Variants in PARP11 observed in about 807,000 individuals in gnomAD.
PARP11 encodes protein mono-ADP-ribosyltransferase PARP11.
A neutral mutation model predicts 42.9 loss-of-function variants in PARP11; 31 were observed. The observed-to-expected ratio is 0.72, with a 90% CI of 0.54 to 0.98. The LOEUF (loss-of-function observed/expected upper bound fraction) is 0.98, where lower values mean the gene tolerates loss of function less well. PARP11 is among the 50% of genes least tolerant of loss of function. The pLI is 0.00. For missense variants in PARP11, 365 were observed against 413.1 expected (o/e 0.88, Z 1.01); for synonymous variants, 137 against 127.3 (o/e 1.08, Z -0.51).
At chr12:3,850,872 A>G (rs1948084484) in intron 1 of PARP11, among the ~76,000 whole-genome samples, 1 of 152,246 alleles carries the variant, frequency 6.6e-6, no homozygotes, top group South Asian at 2.1e-4. Context: ...GATCTGAAGA[A>G]AGAGAAGGAC....
At chr12:3,845,277 C>T (rs896384322) in intron 1 of PARP11, among the ~76,000 whole-genome samples, 1 of 152,208 alleles carries the variant, frequency 6.6e-6, no homozygotes, top group African/African-American at 2.4e-5. Context: ...CCCACAAATT[C>T]ATTTTCATGG....
At position 3,840,455 on chromosome 12, in the gene PARP11, G is replaced by A; in HGVS notation, c.19-10437C>T. The A allele has an allele frequency of 6.2e-7, 1 of 1,613,268 alleles. No individual in the cohort carries two copies. Among genetic ancestry groups the A allele is most frequent in the Non-Finnish European group, 8.5e-7 (1 of 1,179,214 alleles). On this transcript the variant is annotated intron_variant, in intron 1 of 7. Coordinates refer to ENST00000228820, the MANE Select transcript of PARP11 (RefSeq NM_020367.6). The surrounding 1 kb of genome is among the most constrained non-coding windows in gnomAD (Gnocchi z 4.4). ...CCTCCTCGACTGCAGCATCCTTCAG[G>A]AGTAAGACAACGTGAGTTCTCTAGT...
In PARP11 at chr12:3,810,800, CAG is replaced by C. The variant is rs1228295320; in HGVS notation, c.*1321_*1322del. On this transcript the variant is annotated 3_prime_UTR_variant, in exon 8 of 8. Transcript: ENST00000228820. ...GAGGAAGAGAAGAGGAAGAGGAAGACAGAAGAGAAGAGAAAGAAGAGAAGAGA... is the reference window on the plus strand; with the variant it reads ...GAGGAAGAGAAGAGGAAGAGGAAGACAAGAGAAGAGAAAGAAGAGAAGAGA... 2 of 148,992 alleles carry C rather than the reference CAG, an allele frequency of 1.3e-5. No individual in the cohort carries two copies. Among genetic ancestry groups the C allele is most frequent in the South Asian group, 2.1e-4 (1 of 4,682 alleles). 9.2% of individuals were successfully genotyped at this position (148,992 alleles called of 1,614,324 possible).
At chr12:3,856,009 C>T (rs184654888) in intron 1 of PARP11, among the ~76,000 whole-genome samples, 2,785 of 152,188 alleles carry the variant, frequency 0.018, 124 homozygotes, top group East Asian at 0.14. Context: ...TTTGACAAAC[C>T]TGACAAAAAC....
intron 4 of PARP11, among the ~76,000 whole-genome samples, chr12:3,825,850 C>T (rs1466383108): frequency 4.6e-5 from 7 of 152,052 alleles, no homozygotes; most frequent in Non-Finnish European, 8.8e-5. Context: ...ACTCAGCCTC[C>T]CGAGTAGCTG....
chr12:3,873,094 C>A, intron 1 of PARP11, 118 bp downstream of exon 1: 1 of 1,008,512 alleles, frequency 9.9e-7, no homozygotes, highest in South Asian at 1.4e-5. Context: ...GAACTCCGGT[C>A]CCGGAACTCA....
At chr12:3,842,767 T>C (rs192750842) in intron 1 of PARP11, among the ~76,000 whole-genome samples, 69 of 152,310 alleles carry the variant, frequency 4.5e-4, no homozygotes, top group African/African-American at 1.6e-3. Context: ...AAAAAGCAGA[T>C]GTTTGTTAAA....
chr12:3,861,192 T>C lies in PARP11; in HGVS notation c.18+12020A>G. On this transcript the variant is annotated intron_variant, in intron 1 of 7. Transcript: ENST00000228820. This position sits in a 1 kb window ranked among gnomAD's most constrained non-coding sequence, Gnocchi z 4.6. ...ATTTGCATGCAACGAAGACACAAAT[T>C]TTTCGTGGAGGGAAGGGCCAGGGCC... Among the ~76,000 whole-genome samples, 1 of 152,156 alleles carries C rather than the reference T, an allele frequency of 6.6e-6. No homozygotes were observed. The highest frequency in any genetic ancestry group is 2.1e-4 in the South Asian group (1 of 4,832).
In PARP11 at chr12:3,828,940, A is replaced by T. The variant is rs890055563; in HGVS notation, c.238T>A (p.Ser80Thr). 2.5e-6 allele frequency: 4 copies of T among 1,613,906 alleles called. No individual in the cohort carries two copies. In the South Asian group the frequency reaches 3.3e-5, roughly 13 times the overall value. Reference protein sequence around the residue: ...NPCGSISFTTSKFSYKIDFAE... With the variant: ...NPCGSISFTTTKFSYKIDFAE... ...AAGTCTATCTTGTAGCTGAATTTGG[A>T]AGTAGTAAAAGAAATGGAGCCACAA... Residue 80 changes from serine (S) to threonine (T), a missense_variant, in exon 3 of 8, where the codon TCC becomes ACC. Coordinates refer to ENST00000228820, the MANE Select transcript of PARP11 (RefSeq NM_020367.6).
intron 1 of PARP11, among the ~76,000 whole-genome samples, chr12:3,851,331 G>A (rs1346091352): frequency 6.6e-6 from 1 of 152,196 alleles, no homozygotes; most frequent in Non-Finnish European, 1.5e-5. Context: ...AAGCACAAGG[G>A]ATTGGGGGAT....
At chr12:3,838,940 G>C (rs1173621937) in intron 1 of PARP11, among the ~76,000 whole-genome samples, 1 of 152,170 alleles carries the variant, frequency 6.6e-6, no homozygotes, top group East Asian at 1.9e-4. Flanking sequence ...GTACAGACGA[G>C]GAAACTTGTG....
intron 4 of PARP11, among the ~76,000 whole-genome samples, chr12:3,823,378 T>C (rs1947444133): frequency 6.6e-6 from 1 of 152,192 alleles, no homozygotes; most frequent in Non-Finnish European, 1.5e-5. Context: ...GATGGTAGCA[T>C]AAAGCATACA....
chr12:3,862,164 A>G (rs2138118301), intron 1 of PARP11, among the ~76,000 whole-genome samples: 1 of 152,338 alleles, frequency 6.6e-6, no homozygotes, highest in Non-Finnish European at 1.5e-5. Context: ...ATAGTGGCTC[A>G]TCCCTGTAAT....
intron 1 of PARP11, chr12:3,841,458 C>G: frequency 7.2e-7 from 1 of 1,386,930 alleles, no homozygotes; most frequent in South Asian, 1.2e-5. Context: ...GTGATTGTAC[C>G]TGTACTGATG....
chr12:3,847,726 GA>G (rs1565545483), intron 1 of PARP11, among the ~76,000 whole-genome samples: 1 of 152,110 alleles, frequency 6.6e-6, no homozygotes, highest in East Asian at 1.9e-4. Flanking sequence ...CACTAAATGG[GA>G]AAAAATTAAA....
At chr12:3,872,432 C>T in intron 1 of PARP11, 2 of 765,076 alleles carry the variant, frequency 2.6e-6, no homozygotes, top group Non-Finnish European at 3.2e-6. Flanking sequence ...CTAAAGTTTT[C>T]GGCCCCTACG....
intron 1 of PARP11, among the ~76,000 whole-genome samples, chr12:3,845,649 A>G (rs949281707): frequency 2.0e-5 from 3 of 152,222 alleles, no homozygotes; most frequent in Admixed American, 6.5e-5. Context: ...ATTTGGCTAC[A>G]CTATTTCTGT....
chr12:3,818,115 T>C (rs1272794677), intron 6 of PARP11, among the ~76,000 whole-genome samples: 1 of 152,204 alleles, frequency 6.6e-6, no homozygotes, highest in African/African-American at 2.4e-5. Flanking sequence ...GCCCTATAAA[T>C]TCACATACTT....
chr12:3,849,174 G>A (rs1441452732), intron 1 of PARP11, among the ~76,000 whole-genome samples: 3 of 152,058 alleles, frequency 2.0e-5, no homozygotes, highest in African/African-American at 7.2e-5. Flanking sequence ...ATGCTAGCAA[G>A]GATGTGGAGA....
Sources: allele counts gnomAD v4.1 joint callset (sites outside exome capture counted in the v4.1 genomes callset), GRCh38; gene constraint gnomAD v4.1.1; non-coding constraint Gnocchi (gnomAD v3.1); transcripts MANE v1.5; gene names NCBI Gene and HGNC (gene_info 2026-07-23, HGNC 2026-07-21).